COA1: variants seen among roughly 807,000 people sequenced by gnomAD.
COA1 encodes cytochrome c oxidase assembly factor 1 homolog.
In COA1, 13 loss-of-function variants were observed where a neutral mutation model predicts 16.0. The ratio of observed to expected loss-of-function variants is 0.81; its 90% CI spans 0.53 to 1.29. The LOEUF (loss-of-function observed/expected upper bound fraction) is 1.29. Among genes scored for constraint, COA1 ranks in the 50% most tolerant of loss-of-function variants. The probability of loss-of-function intolerance (pLI) is 0.00; values close to 1 mark genes in which losing one functional copy is unlikely to be tolerated. For missense variants in COA1, 179 were observed against 177.0 expected, an observed-to-expected ratio of 1.01 and a Z score of -0.06; for synonymous variants, 65 against 65.7, an observed-to-expected ratio of 0.99 and a Z score of 0.05.
chr7:43,724,885 AG>A (rs2095582476), intron 1 of COA1, among the ~76,000 whole-genome samples: 1 of 152,264 alleles, frequency 6.6e-6, no homozygotes, highest in African/African-American at 2.4e-5. Flanking sequence ...GGTAGTTGCC[AG>A]GGACTGGAAA....
At chr7:43,716,074 C>G (rs2095387439) in intron 1 of COA1, among the ~76,000 whole-genome samples, 1 of 152,192 alleles carries the variant, frequency 6.6e-6, no homozygotes, top group Non-Finnish European at 1.5e-5. Context: ...AAACCTCTTT[C>G]TTTTGTAAAT....
chr7:43,619,133 C>G (rs1029778435), intron 6 of COA1, among the ~76,000 whole-genome samples: 2 of 152,196 alleles, frequency 1.3e-5, no homozygotes, highest in Non-Finnish European at 2.9e-5. Context: ...CTGAAAGACA[C>G]AGACGGGATT....
intron 6 of COA1, among the ~76,000 whole-genome samples, chr7:43,629,013 C>T (rs1056058361): frequency 6.6e-6 from 1 of 152,122 alleles, no homozygotes; most frequent in Non-Finnish European, 1.5e-5. Flanking sequence ...TGTGATTCAC[C>T]TTGAATTAGT....
chr7:43,713,305 T>C (rs1184191397), intron 1 of COA1, among the ~76,000 whole-genome samples: 1 of 152,198 alleles, frequency 6.6e-6, no homozygotes, highest in Non-Finnish European at 1.5e-5. Flanking sequence ...AGCATGTCCA[T>C]CATCTCACGC....
intron 6 of COA1, chr7:43,624,592 G>T: frequency 1.9e-6 from 3 of 1,614,098 alleles, no homozygotes; most frequent in Non-Finnish European, 2.5e-6. Flanking sequence ...CCTTCTTTCA[G>T]GATGGAAAAG....
At chr7:43,705,474 AGGC>A (rs1380133920) in intron 1 of COA1, among the ~76,000 whole-genome samples, 1 of 152,220 alleles carries the variant, frequency 6.6e-6, no homozygotes, top group Non-Finnish European at 1.5e-5. Context: ...TGGCAAGCTG[AGGC>A]TGTGCTGCAA....
chr7:43,640,799 A>G (rs1449035574), intron 4 of COA1, 150 bp from the exon 5 acceptor site: 5 of 581,286 alleles, frequency 8.6e-6, no homozygotes, highest in African/African-American at 3.9e-5. Context: ...CCAGCTGGAG[A>G]ATCCACTTGA....
At position 43,696,549 on chromosome 7, in the gene COA1, A is replaced by G. The variant is rs562791318; in HGVS notation, c.-39+32880T>C. Reference sequence around the variant, plus strand: ...TACACAGCACCTAAAATGAATGACCAAACTACAAATATCAACATGACTGTA... The same window carrying G: ...TACACAGCACCTAAAATGAATGACCGAACTACAAATATCAACATGACTGTA... On this transcript the variant is annotated intron_variant, in intron 1 of 5. Transcript: ENST00000223336. 4.6e-5 allele frequency among the ~76,000 whole-genome samples: 7 copies of G among 152,340 alleles called. No individual in the cohort carries two copies. In the East Asian group the frequency reaches 5.8e-4, roughly 13 times the overall value.
intron 1 of COA1, among the ~76,000 whole-genome samples, chr7:43,697,470 TAGAC>T (rs2094567743): frequency 6.6e-6 from 1 of 151,920 alleles, no homozygotes; most frequent in South Asian, 2.1e-4. Context: ...ATTTTTGTAT[TAGAC>T]AGGGTTTCAT....
downstream of COA1, among the ~76,000 whole-genome samples, chr7:43,635,609 G>A (rs537407870): frequency 3.9e-5 from 6 of 152,306 alleles, no homozygotes; most frequent in South Asian, 1.0e-3. Context: ...TAAGTTCAAC[G>A]AGGCAGGGAT....
At chr7:43,609,807 T>G (rs975176423) in intron 6 of COA1, among the ~76,000 whole-genome samples, 16 of 152,292 alleles carry the variant, frequency 1.1e-4, no homozygotes, top group South Asian at 1.0e-3. Flanking sequence ...CAAAAAACTT[T>G]CCCATCCTGA....
chr7:43,713,604 G>A (rs1304576692), intron 1 of COA1, among the ~76,000 whole-genome samples: 1 of 152,030 alleles, frequency 6.6e-6, no homozygotes, highest in Admixed American at 6.5e-5. Flanking sequence ...GGAGATTGTT[G>A]GTAACTGTTT....
chr7:43,722,551 T>A (rs1204202254), intron 1 of COA1, among the ~76,000 whole-genome samples: 2 of 152,124 alleles, frequency 1.3e-5, no homozygotes, highest in Non-Finnish European at 2.9e-5. Flanking sequence ...TACAGGCACA[T>A]GCCATCACGC....
intron 1 of COA1, among the ~76,000 whole-genome samples, chr7:43,684,804 T>C (rs902827611): frequency 1.1e-4 from 16 of 152,170 alleles, no homozygotes; most frequent in African/African-American, 3.1e-4. Context: ...GATCTGACAC[T>C]TTTGGGGTAG....
chr7:43,636,962 C>CTCTT (rs1467871253), downstream of COA1, among the ~76,000 whole-genome samples: 1 of 151,956 alleles, frequency 6.6e-6, no homozygotes, highest in Non-Finnish European at 1.5e-5. Flanking sequence ...TTCCAGGCCT[C>CTCTT]TCTTTTACTT....
rs565706587 is a variant in COA1, at chr7:43,723,521, C to T, written c.-39+5908G>A. Among the ~76,000 whole-genome samples the T allele has an allele frequency of 4.6e-5, 7 of 152,148 alleles. No individual in the cohort carries two copies. The South Asian group carries it at 1.0e-3, about 23-fold the overall frequency. On this transcript the variant is annotated intron_variant, in intron 1 of 5. Transcript: ENST00000223336. ...TCCAAATGGAGCAGTAGTATGATAC[C>T]GGAATAATTCACAGACTTTTGGAAC...
chr7:43,706,126 A>G (rs2094961855), intron 1 of COA1, among the ~76,000 whole-genome samples: 1 of 152,156 alleles, frequency 6.6e-6, no homozygotes, highest in African/African-American at 2.4e-5. Context: ...CATGAAAGCA[A>G]TTTTCATAAC....
At chr7:43,650,456 T>C (rs1218346743) in intron 1 of COA1, 1 of 151,958 alleles carries the variant, frequency 6.6e-6, no homozygotes, top group Non-Finnish European at 1.5e-5. Flanking sequence ...AGAAAAGAAA[T>C]AAGGCTGAAA....
chr7:43,726,628 A>G (rs781548317), intron 1 of COA1, among the ~76,000 whole-genome samples: 31 of 152,088 alleles, frequency 2.0e-4, no homozygotes, highest in Non-Finnish European at 3.5e-4. Context: ...CTTTCACAGC[A>G]TTTTTCCTGG....
Sources: allele counts gnomAD v4.1 joint callset (sites outside exome capture counted in the v4.1 genomes callset), GRCh38; gene constraint gnomAD v4.1.1; transcripts MANE v1.5; gene names NCBI Gene and HGNC (gene_info 2026-07-23, HGNC 2026-07-21).